The following KHDRBS2 variants were observed in gnomAD, a reference collection of about 807,000 sequenced individuals.
KHDRBS2 encodes KH domain-containing, RNA-binding, signal transduction-associated protein 2.
Under a neutral mutation model 44.3 loss-of-function variants are expected in KHDRBS2, and 26 were observed. The observed-to-expected ratio is 0.59, with a 90% CI of 0.43 to 0.81. The LOEUF (loss-of-function observed/expected upper bound fraction) is 0.81. Ranked by LOEUF, KHDRBS2 falls within the 40% of genes least tolerant of loss-of-function variation. The pLI, the probability that KHDRBS2 is intolerant of heterozygous loss-of-function variation, is 0.00. For missense variants in KHDRBS2, 476 were observed against 433.1 expected, an observed-to-expected ratio of 1.10 and a Z score of -0.88; for synonymous variants, 194 against 151.1, an observed-to-expected ratio of 1.28 and a Z score of -2.08.
At chr6:62,123,737 G>A (rs1419076344) in intron 2 of KHDRBS2, among the ~76,000 whole-genome samples, 14 of 152,204 alleles carry the variant, frequency 9.2e-5, no homozygotes, top group Admixed American at 9.2e-4. Context: ...GCCACTCGAT[G>A]AGATGCATTT....
At chr6:61,619,826 CG>C in the KHDRBS2 span, among the ~76,000 whole-genome samples, 1 of 152,142 alleles carries the variant, frequency 6.6e-6, no homozygotes, top group South Asian at 2.1e-4. Context: ...CTCAGTTGAT[CG>C]GTACTTAGAT....
At chr6:61,950,719 C>T (rs929306859) in intron 4 of KHDRBS2, among the ~76,000 whole-genome samples, 2 of 151,962 alleles carry the variant, frequency 1.3e-5, no homozygotes, top group African/African-American at 4.8e-5. Context: ...TCCTGAAGCT[C>T]ATTTTCCTTA....
intron 4 of KHDRBS2, among the ~76,000 whole-genome samples, chr6:61,933,144 G>A (rs1001120009): frequency 6.6e-6 from 1 of 152,166 alleles, no homozygotes; most frequent in African/African-American, 2.4e-5. Context: ...AGGCAAAGGG[G>A]AAGCAGGCAC....
intron 1 of KHDRBS2, among the ~76,000 whole-genome samples, chr6:62,255,436 TC>T (rs1184354648): frequency 6.6e-6 from 1 of 152,026 alleles, no homozygotes; most frequent in Non-Finnish European, 1.5e-5. Flanking sequence ...ACTATTGCTA[TC>T]TCCATCTTAT....
At chr6:61,677,708 C>T (rs1256290668), downstream of KHDRBS2, among the ~76,000 whole-genome samples, 2 of 151,838 alleles carry the variant, frequency 1.3e-5, no homozygotes, top group Admixed American at 6.6e-5. Flanking sequence ...CTGACTTGAA[C>T]CCATAGTATT....
the KHDRBS2 span, among the ~76,000 whole-genome samples, chr6:61,563,232 G>C: frequency 6.6e-6 from 1 of 151,964 alleles, no homozygotes; most frequent in Non-Finnish European, 1.5e-5. Flanking sequence ...AAAATATCAC[G>C]TTCTCAACTA....
At chr6:61,914,410 C>T (rs2127353774) in intron 4 of KHDRBS2, among the ~76,000 whole-genome samples, 1 of 146,482 alleles carries the variant, frequency 6.8e-6, no homozygotes, top group East Asian at 2.1e-4. Flanking sequence ...ATCGCAAGGA[C>T]AAAAAACCAA....
At chr6:62,253,743 T>A (rs1355768916) in intron 1 of KHDRBS2, among the ~76,000 whole-genome samples, 2 of 152,062 alleles carry the variant, frequency 1.3e-5, no homozygotes, top group African/African-American at 4.8e-5. Flanking sequence ...AGTCCATATT[T>A]CCATCTGACC....
At chr6:61,951,839 T>C (rs1764816234) in intron 4 of KHDRBS2, among the ~76,000 whole-genome samples, 1 of 152,054 alleles carries the variant, frequency 6.6e-6, no homozygotes, top group South Asian at 2.1e-4. Flanking sequence ...TGTTGAGATT[T>C]TTTTTTAGTT....
chr6:61,851,733 T>G (rs1228943398), intron 6 of KHDRBS2, among the ~76,000 whole-genome samples: 1 of 152,186 alleles, frequency 6.6e-6, no homozygotes, highest in Non-Finnish European at 1.5e-5. Context: ...TTCTATAGCA[T>G]TTCGTTATGG....
intron 1 of KHDRBS2, among the ~76,000 whole-genome samples, chr6:62,188,644 T>G (rs1265174811): frequency 6.6e-6 from 1 of 151,966 alleles, no homozygotes; most frequent in African/African-American, 2.4e-5. Flanking sequence ...TCAAGGAAAA[T>G]GAAACAACGT....
intron 1 of KHDRBS2, among the ~76,000 whole-genome samples, chr6:62,273,261 A>G (rs1205971010): frequency 1.3e-5 from 2 of 152,140 alleles, no homozygotes; most frequent in Admixed American, 6.5e-5. Context: ...CTCCTCCCCT[A>G]TGAAGTCAAA....
chr6:61,954,512 G>GT (rs1765639928), intron 4 of KHDRBS2, among the ~76,000 whole-genome samples: 4 of 144,426 alleles, frequency 2.8e-5, no homozygotes, highest in Non-Finnish European at 4.5e-5. Flanking sequence ...TAATATATAT[G>GT]AATATATACA....
chr6:62,210,261 T>A (rs568031864), intron 1 of KHDRBS2, among the ~76,000 whole-genome samples: 2 of 151,760 alleles, frequency 1.3e-5, no homozygotes, highest in South Asian at 4.2e-4. Context: ...GCAGAAATAA[T>A]ATATTTCTGA....
intron 6 of KHDRBS2, among the ~76,000 whole-genome samples, chr6:61,873,188 C>T (rs1402624379): frequency 6.6e-6 from 1 of 151,902 alleles, no homozygotes; most frequent in East Asian, 1.9e-4. Context: ...TAAATAATAA[C>T]CTCTATTCAC....
chr6:61,565,150 C>T, the KHDRBS2 span, among the ~76,000 whole-genome samples: 1,634 of 151,940 alleles, frequency 0.011, 29 homozygotes, highest in African/African-American at 0.038. Context: ...TATGTCTCAC[C>T]GTATACAAAT....
At chr6:61,582,981 C>T in the KHDRBS2 span, among the ~76,000 whole-genome samples, 1 of 151,740 alleles carries the variant, frequency 6.6e-6, no homozygotes, top group Admixed American at 6.6e-5. Flanking sequence ...CACAGAAAAA[C>T]ACTGGAATAG....
chr6:62,237,937 G>T (rs1332132134), intron 1 of KHDRBS2, among the ~76,000 whole-genome samples: 1 of 151,892 alleles, frequency 6.6e-6, no homozygotes, highest in African/African-American at 2.4e-5. Context: ...TACTTGGGAG[G>T]CTAAGGCAGG....
At chr6:62,246,102 T>TTATACATA (rs1554500837) in intron 1 of KHDRBS2, among the ~76,000 whole-genome samples, 1 of 124,338 alleles carries the variant, frequency 8.0e-6, no homozygotes, top group Non-Finnish European at 1.7e-5. Flanking sequence ...TCAATCAATT[T>TTATACATA]TATATATATA....
Sources: allele counts gnomAD v4.1 joint callset (sites outside exome capture counted in the v4.1 genomes callset), GRCh38; gene constraint gnomAD v4.1.1; transcripts MANE v1.5; gene names NCBI Gene and HGNC (gene_info 2026-07-23, HGNC 2026-07-21).